The following TGFBR3 variants were observed in gnomAD, a reference collection of about 807,000 sequenced individuals.
The protein encoded by TGFBR3 is transforming growth factor beta receptor 3, also known as transforming growth factor beta receptor type 3.
Under a neutral mutation model 87.9 loss-of-function variants are expected in TGFBR3, and 46 were observed. The observed-to-expected ratio is 0.52, with a 90% CI of 0.41 to 0.67. The LOEUF (loss-of-function observed/expected upper bound fraction) is 0.67. Ranked by LOEUF, TGFBR3 falls within the 30% of genes least tolerant of loss-of-function variation. The pLI is 0.00. For missense variants in TGFBR3, 866 were observed against 1,041.9 expected (o/e 0.83, Z 2.32); for synonymous variants, 381 against 391.6 (o/e 0.97, Z 0.32).
At chr1:91,797,519 T>G in intron 2 of TGFBR3, 48 bp from the exon 3 acceptor site, 1 of 1,611,592 alleles carries the variant, frequency 6.2e-7, no homozygotes, top group South Asian at 1.1e-5. Flanking sequence ...AGCAATTAAT[T>G]CTGCCCCAAA....
chr1:91,887,029 A>G (rs1679338792), upstream of TGFBR3, among the ~76,000 whole-genome samples: 1 of 152,090 alleles, frequency 6.6e-6, no homozygotes, highest in African/African-American at 2.4e-5. Flanking sequence ...TCTTATTAAA[A>G]AGTATACTTA....
intron 9 of TGFBR3, among the ~76,000 whole-genome samples, 155 bp from the exon 10 acceptor site, chr1:91,719,619 C>T (rs1401412727): frequency 6.6e-6 from 1 of 152,134 alleles, no homozygotes; most frequent in Non-Finnish European, 1.5e-5. Context: ...CTGCCCACCT[C>T]TCAACAGCTC....
rs1425036776 is a variant in TGFBR3, at chr1:91,780,930, C to CAG, written c.246+16356_246+16357insCT. On this transcript the variant is annotated intron_variant, in intron 3 of 16. Coordinates refer to ENST00000212355, the MANE Select transcript of TGFBR3 (RefSeq NM_003243.5). ...ACACACACACACACACACACACACA[C>CAG]ACAGAGATCTCATCTCCTGGCATTT... Among the ~76,000 whole-genome samples the CAG allele has an allele frequency of 9.9e-5, 13 of 131,290 alleles. No homozygotes were observed. In the South Asian group the frequency reaches 3.0e-3, roughly 31 times the overall value. 86.1% of individuals were successfully genotyped at this position (131,290 alleles called of 152,430 possible).
chr1:91,904,393 A>G (rs145545932), intron 1 of TGFBR3, among the ~76,000 whole-genome samples: 14 of 149,216 alleles, frequency 9.4e-5, no homozygotes, highest in African/African-American at 3.2e-4. Context: ...GCTTGAGCAC[A>G]TTACTAAACC....
intron 2 of TGFBR3, among the ~76,000 whole-genome samples, chr1:91,809,443 G>A (rs1373729756): frequency 6.6e-6 from 1 of 152,188 alleles, no homozygotes; most frequent in Non-Finnish European, 1.5e-5. Context: ...ATGAGAAACT[G>A]TAAGAGGGTC....
At chr1:91,819,782 C>T (rs1290269473) in intron 2 of TGFBR3, among the ~76,000 whole-genome samples, 3 of 152,178 alleles carry the variant, frequency 2.0e-5, no homozygotes, top group Non-Finnish European at 4.4e-5. Context: ...TGCTTCTCTG[C>T]TCATGCGATG....
chr1:91,847,587 G>A (rs1344054189), intron 2 of TGFBR3, among the ~76,000 whole-genome samples: 2 of 118,682 alleles, frequency 1.7e-5, no homozygotes, highest in East Asian at 2.4e-4. Context: ...TGGGCAACAA[G>A]AGCAAAACTC....
chr1:91,731,860 T>G (rs1672785823), intron 5 of TGFBR3, among the ~76,000 whole-genome samples: 1 of 152,214 alleles, frequency 6.6e-6, no homozygotes, highest in Non-Finnish European at 1.5e-5. Flanking sequence ...AAGGTCTAAT[T>G]GTTCAAAAGT....
intron 1 of TGFBR3, among the ~76,000 whole-genome samples, chr1:91,877,369 C>A (rs1277059726): frequency 6.6e-6 from 1 of 151,826 alleles, no homozygotes; most frequent in African/African-American, 2.4e-5. Context: ...ACTCTGTCAC[C>A]CAGGCTGGAG....
intron 1 of TGFBR3, chr1:91,861,857 C>CTTT (rs11414154): frequency 0.012 from 2,983 of 248,030 alleles, 11 homozygotes; most frequent in South Asian, 0.02. Context: ...TTGTTATTGG[C>CTTT]TTTTTTTTTT....
intron 4 of TGFBR3, among the ~76,000 whole-genome samples, chr1:91,748,097 T>C (rs1310483242): frequency 6.6e-6 from 1 of 152,184 alleles, no homozygotes; most frequent in Non-Finnish European, 1.5e-5. Flanking sequence ...GAAAAAAAGT[T>C]CTAAAGGGTA....
At chr1:91,813,453 T>G (rs1676097384) in intron 2 of TGFBR3, among the ~76,000 whole-genome samples, 1 of 152,216 alleles carries the variant, frequency 6.6e-6, no homozygotes, top group Admixed American at 6.5e-5. Context: ...GACCTCCCCT[T>G]TTCTTTCAGG....
At position 91,709,026 on chromosome 1, in the gene TGFBR3, C is replaced by T. The variant is rs559800137; in HGVS notation, c.2167-243G>A. On this transcript the variant is annotated intron_variant, in intron 13 of 16. Coordinates refer to ENST00000212355, the MANE Select transcript of TGFBR3 (RefSeq NM_003243.5). ...TCACTGGATAGCTTCTCAATATTGT[C>T]CTCCCCCTCCCCTTCTTCTCACAAA... Among the ~76,000 whole-genome samples, 102 of 152,206 alleles carry T rather than the reference C, an allele frequency of 6.7e-4. 1 individual carries two copies. The highest frequency in any genetic ancestry group is 2.4e-3 in the African/African-American group (100 of 41,520).
chr1:91,740,286 T>C (rs527739342), intron 4 of TGFBR3, among the ~76,000 whole-genome samples: 2 of 152,138 alleles, frequency 1.3e-5, no homozygotes, highest in Non-Finnish European at 2.9e-5. Context: ...CTCAAACTCC[T>C]GACCTCAGGT....
chr1:91,843,390 G>A (rs1028133533), intron 2 of TGFBR3, among the ~76,000 whole-genome samples: 1 of 152,162 alleles, frequency 6.6e-6, no homozygotes, highest in Non-Finnish European at 1.5e-5. Flanking sequence ...TTTGGAAAAG[G>A]CCCTTTCCAG....
At chr1:91,864,071 T>C (rs952683372) in intron 1 of TGFBR3, 1 of 152,216 alleles carries the variant, frequency 6.6e-6, no homozygotes, top group Non-Finnish European at 1.5e-5. Flanking sequence ...TTTCAGCAAA[T>C]GTTAAAGACA....
chr1:91,867,515 A>G (rs975227995), intron 1 of TGFBR3, among the ~76,000 whole-genome samples: 4 of 152,192 alleles, frequency 2.6e-5, no homozygotes, highest in African/African-American at 9.7e-5. Context: ...TCCCAAGCAC[A>G]ACACACCTCA....
At chr1:91,898,428 G>GC (rs1553177960) in intron 2 of TGFBR3, among the ~76,000 whole-genome samples, 12 of 151,416 alleles carry the variant, frequency 7.9e-5, no homozygotes, top group Non-Finnish European at 1.8e-4. Context: ...TCAACAGTAT[G>GC]TTTTTTTTGG....
chr1:91,789,894 A>C (rs1467978441), intron 3 of TGFBR3, among the ~76,000 whole-genome samples: 4 of 152,182 alleles, frequency 2.6e-5, no homozygotes, highest in Admixed American at 2.6e-4. Context: ...GTCATTGTTT[A>C]AATTGCATTG....
Sources: allele counts gnomAD v4.1 joint callset (sites outside exome capture counted in the v4.1 genomes callset), GRCh38; gene constraint gnomAD v4.1.1; transcripts MANE v1.5; gene names NCBI Gene and HGNC (gene_info 2026-07-23, HGNC 2026-07-21).